The following FMNL2 variants were observed in gnomAD, a reference collection of about 807,000 sequenced individuals.
The protein encoded by FMNL2 is formin like 2.
A neutral mutation model predicts 130.2 loss-of-function variants in FMNL2; 51 were observed. The observed-to-expected ratio is 0.39, with a 90% confidence interval of 0.31 to 0.49. The LOEUF is 0.49. Ranked by LOEUF, FMNL2 falls within the 20% of genes least tolerant of loss-of-function variation. The pLI is 0.85. For missense variants in FMNL2, 977 were observed against 1,316.2 expected (o/e 0.74, Z 3.99); for synonymous variants, 465 against 467.1 (o/e 1.00, Z 0.06).
At chr2:152,504,892 A>G (rs1002672431) in intron 1 of FMNL2, among the ~76,000 whole-genome samples, 1 of 152,194 alleles carries the variant, frequency 6.6e-6, no homozygotes, top group Non-Finnish European at 1.5e-5. Context: ...GCTGTCATTC[A>G]TGTTCATCTT....
chr2:152,507,708 A>C (rs936163329), intron 1 of FMNL2, among the ~76,000 whole-genome samples: 1 of 152,162 alleles, frequency 6.6e-6, no homozygotes, highest in Admixed American at 6.5e-5. Flanking sequence ...TTCTGTGGAC[A>C]CTGTGCTACC....
chr2:152,478,248 A>ATTT (rs1437961072), intron 1 of FMNL2, among the ~76,000 whole-genome samples: 5 of 75,770 alleles, frequency 6.6e-5, no homozygotes, highest in Admixed American at 3.6e-4. Flanking sequence ...ATATATATAT[A>ATTT]TATTTTTTTT....
intron 1 of FMNL2, among the ~76,000 whole-genome samples, chr2:152,487,041 T>C (rs73968034): frequency 0.015 from 2,297 of 152,332 alleles, 62 homozygotes; most frequent in African/African-American, 0.053. Context: ...ATCCCACAAA[T>C]ATTTATTGAG....
chr2:152,532,367 T>G (rs1334551334), intron 2 of FMNL2, among the ~76,000 whole-genome samples: 2 of 152,326 alleles, frequency 1.3e-5, no homozygotes, highest in Admixed American at 6.5e-5. Flanking sequence ...CCATTTTGCA[T>G]TCCTACCAGC....
At chr2:152,552,475 C>T (rs1053624641) in intron 4 of FMNL2, among the ~76,000 whole-genome samples, 2 of 152,130 alleles carry the variant, frequency 1.3e-5, no homozygotes, top group Non-Finnish European at 2.9e-5. Context: ...TGCTTTTCAA[C>T]GTTAAAGACT....
At chr2:152,395,777 G>T (rs189805159) in intron 1 of FMNL2, among the ~76,000 whole-genome samples, 1 of 151,916 alleles carries the variant, frequency 6.6e-6, no homozygotes, top group East Asian at 1.9e-4. Flanking sequence ...AAGACAGTTT[G>T]TTCTTTGGAT....
chr2:152,426,010 G>T (rs1169179496), intron 1 of FMNL2, among the ~76,000 whole-genome samples: 1 of 152,214 alleles, frequency 6.6e-6, no homozygotes, highest in African/African-American at 2.4e-5. Flanking sequence ...TTGGGTATAC[G>T]TTGTGATAGA....
At chr2:152,567,250 A>AG (rs980377553) in intron 6 of FMNL2, among the ~76,000 whole-genome samples, 1 of 152,188 alleles carries the variant, frequency 6.6e-6, no homozygotes, top group Non-Finnish European at 1.5e-5. Context: ...TCAGGCTAAT[A>AG]GTGACTCTCC....
At chr2:152,637,735 C>G in intron 23 of FMNL2, 61 bp downstream of exon 23, 1 of 1,467,602 alleles carries the variant, frequency 6.8e-7, no homozygotes, top group Admixed American at 1.7e-5. Context: ...TGAGATGTGT[C>G]TGAGTCCCAA....
chr2:152,589,987 A>ATATTTATATGTATGTATATG (rs1697322466), intron 9 of FMNL2, among the ~76,000 whole-genome samples: 1 of 55,254 alleles, frequency 1.8e-5, no homozygotes, highest in Non-Finnish European at 3.4e-5. Context: ...ATATATATGT[A>ATATTTATATGTATGTATATG]TATGTATATG....
chr2:152,355,690 C>T (rs903452762), intron 1 of FMNL2, among the ~76,000 whole-genome samples: 3 of 152,150 alleles, frequency 2.0e-5, no homozygotes, highest in Non-Finnish European at 2.9e-5. Flanking sequence ...GCAAACAGAC[C>T]CTTGTCATAG....
At chr2:152,344,587 C>T (rs900228051) in intron 1 of FMNL2, among the ~76,000 whole-genome samples, 7 of 152,124 alleles carry the variant, frequency 4.6e-5, no homozygotes, top group Non-Finnish European at 8.8e-5. Context: ...TAAGAAATGA[C>T]CACCAAATTA....
intron 2 of FMNL2, among the ~76,000 whole-genome samples, chr2:152,525,620 C>A (rs1033757395): frequency 1.3e-5 from 2 of 152,174 alleles, no homozygotes; most frequent in Admixed American, 1.3e-4. Context: ...TTATATAAAG[C>A]GATGGAGAGA....
chr2:152,417,699 C>T (rs1686688842), intron 1 of FMNL2, among the ~76,000 whole-genome samples: 1 of 152,190 alleles, frequency 6.6e-6, no homozygotes, highest in Non-Finnish European at 1.5e-5. Context: ...GCTCCTCTGA[C>T]ATGTAACTCA....
intron 9 of FMNL2, among the ~76,000 whole-genome samples, chr2:152,600,384 C>T (rs901681296): frequency 6.6e-6 from 1 of 152,210 alleles, no homozygotes; most frequent in African/African-American, 2.4e-5. Flanking sequence ...ATAGCCATCT[C>T]ATAAGAGTCA....
intron 2 of FMNL2, among the ~76,000 whole-genome samples, chr2:152,534,564 CTTTTTTTT>C (rs10719527): frequency 5.3e-5 from 7 of 131,572 alleles, no homozygotes; most frequent in Non-Finnish European, 8.0e-5. Flanking sequence ...CTTATTTTGT[CTTTTTTTT>C]TTTTTTTTTT....
chr2:152,575,082 C>G (rs1696401081), intron 6 of FMNL2, 54 bp from the exon 7 acceptor site: 2 of 1,086,130 alleles, frequency 1.8e-6, no homozygotes, highest in Admixed American at 4.1e-5. Context: ...GTGCATGTGC[C>G]TATGCTAAGA....
At chr2:152,585,830 CT>C (rs1163060637) in intron 9 of FMNL2, among the ~76,000 whole-genome samples, 3 of 150,954 alleles carry the variant, frequency 2.0e-5, no homozygotes, top group Non-Finnish European at 4.4e-5. Flanking sequence ...TTGCTCTCAA[CT>C]TTTTCTTAGT....
chr2:152,461,857 C>A (rs1360301125), intron 1 of FMNL2, among the ~76,000 whole-genome samples: 2 of 151,890 alleles, frequency 1.3e-5, no homozygotes, highest in Non-Finnish European at 2.9e-5. Flanking sequence ...TTGGCACAGT[C>A]CAGTCCAGTA....
Sources: gnomAD v4.1 joint callset for allele counts (sites outside exome capture counted in the v4.1 genomes callset) on GRCh38, gnomAD v4.1.1 for gene constraint, MANE v1.5 for transcripts, NCBI Gene and HGNC (gene_info 2026-07-23, HGNC 2026-07-21) for gene names.